The following CSMD1 variants were observed in gnomAD, a reference collection of about 807,000 sequenced individuals.
CSMD1 encodes CUB and sushi domain-containing protein 1.
A neutral mutation model predicts 417.5 loss-of-function variants in CSMD1; 213 were observed. The ratio of observed to expected loss-of-function variants is 0.51; its 90% CI spans 0.46 to 0.57. CSMD1 has a LOEUF of 0.57. Ranked by LOEUF, CSMD1 falls within the 20% of genes least tolerant of loss-of-function variation. The pLI, the probability that CSMD1 is intolerant of heterozygous loss-of-function variation, is 0.00. For missense variants in CSMD1, 6,923 were observed against 4,529.7 expected (o/e 1.53, Z -15.17); for synonymous variants, 2,862 against 1,736.8 (o/e 1.65, Z -16.11).
intron 3 of CSMD1, among the ~76,000 whole-genome samples, chr8:4,278,446 TATATAAA>T (rs1365416856): frequency 9.9e-5 from 15 of 152,210 alleles, no homozygotes; most frequent in African/African-American, 1.9e-4. Flanking sequence ...CTGCTATAGC[TATATAAA>T]ATATAATTTT....
intron 5 of CSMD1, among the ~76,000 whole-genome samples, chr8:3,880,168 T>C (rs1055021889): frequency 6.6e-6 from 1 of 152,130 alleles, no homozygotes; most frequent in African/African-American, 2.4e-5. Flanking sequence ...ACAGAGGAAA[T>C]TGGATTCAAG....
chr8:3,501,868 T>C (rs1299860895), intron 10 of CSMD1, among the ~76,000 whole-genome samples: 1 of 152,156 alleles, frequency 6.6e-6, no homozygotes, highest in Admixed American at 6.5e-5. Context: ...AAAAATGTAA[T>C]TAATGATAAG....
rs765914897 is a variant in CSMD1, at chr8:2,950,289, C to A, written c.10256G>T (p.Gly3419Val). ...CTTGCTTACAAAAATATCTGCCTGG[C>A]CTTTAATTTGAAAAGCTTTCAGGAG... ...HLLLKAFQIK[G>V]QADIFVSKFE... Residue 3419 changes from glycine to valine, a missense_variant, in exon 67 of 70, where the codon GGC (glycine) becomes GTC (valine). By Grantham distance (109) the Gly-to-Val change is moderately radical (BLOSUM62 -3). Coordinates refer to ENST00000635120, the MANE Select transcript of CSMD1 (RefSeq NM_033225.6). The A allele has an allele frequency of 5.0e-6, 8 of 1,613,482 alleles. No homozygotes were observed. The highest frequency in any genetic ancestry group is 2.2e-5 in the South Asian group (2 of 91,068).
intron 1 of CSMD1, among the ~76,000 whole-genome samples, chr8:4,827,773 T>C (rs190150565): frequency 3.9e-5 from 6 of 152,300 alleles, no homozygotes; most frequent in African/African-American, 7.2e-5. Flanking sequence ...TCATTAAAGA[T>C]TGAAATTCAG....
chr8:4,092,457 T>G (rs1012703485), intron 3 of CSMD1, among the ~76,000 whole-genome samples: 9 of 152,210 alleles, frequency 5.9e-5, no homozygotes, highest in Non-Finnish European at 1.2e-4. Context: ...ATTATGACAC[T>G]CTTATCTTTG....
At chr8:4,547,476 C>G (rs767094823) in intron 2 of CSMD1, among the ~76,000 whole-genome samples, 4 of 152,230 alleles carry the variant, frequency 2.6e-5, no homozygotes, top group Non-Finnish European at 4.4e-5. Context: ...TTATATGCAG[C>G]AGCCCACATT....
At chr8:3,630,383 C>A (rs374935857) in intron 7 of CSMD1, among the ~76,000 whole-genome samples, 1 of 152,120 alleles carries the variant, frequency 6.6e-6, no homozygotes, top group African/African-American at 2.4e-5. Flanking sequence ...CAGGAAGGAA[C>A]GAGACTGGAG....
chr8:4,630,014 C>A (rs1802410801), intron 2 of CSMD1, among the ~76,000 whole-genome samples: 1 of 151,970 alleles, frequency 6.6e-6, no homozygotes, highest in African/African-American at 2.4e-5. Flanking sequence ...ACTTCTCTGC[C>A]CATATTAGTA....
At chr8:4,686,426 C>T (rs1806390848) in intron 1 of CSMD1, among the ~76,000 whole-genome samples, 1 of 152,220 alleles carries the variant, frequency 6.6e-6, no homozygotes, top group Non-Finnish European at 1.5e-5. Flanking sequence ...GCTCTTCTCC[C>T]CCGATGTAGG....
intron 18 of CSMD1, among the ~76,000 whole-genome samples, chr8:3,378,558 G>C (rs1366065350): frequency 6.6e-6 from 1 of 152,118 alleles, no homozygotes; most frequent in African/African-American, 2.4e-5. Context: ...CCATGATCAA[G>C]TCAGCTTTAT....
chr8:4,113,432 T>A (rs1470547802), intron 3 of CSMD1, among the ~76,000 whole-genome samples: 1 of 130,174 alleles, frequency 7.7e-6, no homozygotes, highest in Non-Finnish European at 1.6e-5. Flanking sequence ...TGAGACAGTA[T>A]CTCGCTCTGT....
At chr8:3,709,599 C>T (rs1178356201) in intron 6 of CSMD1, among the ~76,000 whole-genome samples, 1 of 150,156 alleles carries the variant, frequency 6.7e-6, no homozygotes, top group Non-Finnish European at 1.5e-5. Context: ...CAGATGAAGG[C>T]CCAAATAGAA....
At chr8:3,227,297 A>G (rs1798566218) in intron 27 of CSMD1, among the ~76,000 whole-genome samples, 1 of 130,282 alleles carries the variant, frequency 7.7e-6, no homozygotes, top group Non-Finnish European at 1.6e-5. Flanking sequence ...GCTACTTGGG[A>G]GGCTGAGGCA....
At chr8:4,279,173 C>T (rs867913683) in intron 3 of CSMD1, among the ~76,000 whole-genome samples, 1 of 152,082 alleles carries the variant, frequency 6.6e-6, no homozygotes, top group Non-Finnish European at 1.5e-5. Flanking sequence ...CCATGCCAAG[C>T]TTCGTCTGTC....
chr8:4,470,153 C>T (rs932410484), intron 2 of CSMD1, among the ~76,000 whole-genome samples: 2 of 151,994 alleles, frequency 1.3e-5, no homozygotes, highest in South Asian at 2.1e-4. Flanking sequence ...TACAGGTGGC[C>T]TTTGGTTTTC....
chr8:4,092,280 T>C (rs923848250), intron 3 of CSMD1, among the ~76,000 whole-genome samples: 7 of 152,074 alleles, frequency 4.6e-5, no homozygotes, highest in Admixed American at 1.3e-4. Context: ...ACCAACTGAG[T>C]ATGGGAAACC....
chr8:3,238,531 G>A (rs1186995699), intron 26 of CSMD1, among the ~76,000 whole-genome samples: 1 of 152,096 alleles, frequency 6.6e-6, no homozygotes. Context: ...CTTGGAGCGA[G>A]ACTACGGGCA....
intron 54 of CSMD1, among the ~76,000 whole-genome samples, chr8:2,990,508 C>G (rs543645279): frequency 3.3e-5 from 5 of 152,280 alleles, no homozygotes; most frequent in Admixed American, 3.3e-4. Context: ...TCTACGAACC[C>G]ATTATTATAT....
intron 5 of CSMD1, among the ~76,000 whole-genome samples, chr8:3,786,696 G>A (rs1014733988): frequency 1.3e-5 from 2 of 152,144 alleles, no homozygotes; most frequent in African/African-American, 4.8e-5. Flanking sequence ...CGAAAACCAT[G>A]TATTTCTCAC....
Sources: allele counts gnomAD v4.1 joint callset (sites outside exome capture counted in the v4.1 genomes callset), GRCh38; gene constraint gnomAD v4.1.1; transcripts MANE v1.5; gene names NCBI Gene and HGNC (gene_info 2026-07-23, HGNC 2026-07-21).